Variants in CDC42BPA observed in about 807,000 individuals in gnomAD.
CDC42BPA encodes serine/threonine-protein kinase MRCK alpha.
In CDC42BPA, 80 loss-of-function variants were observed where a neutral mutation model predicts 223.5. That is an observed-to-expected ratio of 0.36 (90% CI 0.30 to 0.43). CDC42BPA has a LOEUF of 0.43. CDC42BPA is among the 20% of genes least tolerant of loss of function. CDC42BPA has a pLI of 1.00. For missense variants in CDC42BPA, 1,743 were observed against 2,099.9 expected, an observed-to-expected ratio of 0.83 and a Z score of 3.32; for synonymous variants, 694 against 718.6, an observed-to-expected ratio of 0.97 and a Z score of 0.55.
chr1:227,160,949 T>C (rs1663773242), intron 5 of CDC42BPA, among the ~76,000 whole-genome samples: 1 of 152,182 alleles, frequency 6.6e-6, no homozygotes, highest in South Asian at 2.1e-4. Context: ...ACTTTCTGCA[T>C]ACAGAAGAGT....
intron 15 of CDC42BPA, among the ~76,000 whole-genome samples, chr1:227,092,688 A>G (rs1311084922): frequency 6.6e-6 from 1 of 152,220 alleles, no homozygotes; most frequent in African/African-American, 2.4e-5. Flanking sequence ...ATGAGTTCAG[A>G]AATTTTAAAA....
intron 35 of CDC42BPA, among the ~76,000 whole-genome samples, chr1:227,000,880 C>G (rs1572162233): frequency 6.6e-6 from 1 of 151,788 alleles, no homozygotes; most frequent in East Asian, 1.9e-4. Context: ...TGGGGACCCT[C>G]TGGCCTGAGA....
intron 14 of CDC42BPA, among the ~76,000 whole-genome samples, chr1:227,103,113 T>G (rs1313913198): frequency 6.6e-6 from 1 of 152,108 alleles, no homozygotes; most frequent in Non-Finnish European, 1.5e-5. Context: ...TATGCGACAT[T>G]CATTTCAGAC....
At chr1:227,077,743 T>C (rs1679796715) in intron 17 of CDC42BPA, among the ~76,000 whole-genome samples, 1 of 152,168 alleles carries the variant, frequency 6.6e-6, no homozygotes, top group Non-Finnish European at 1.5e-5. Context: ...CTAAAATTGA[T>C]TGTATCATCT....
At chr1:227,197,590 C>CT (rs34534815) in intron 4 of CDC42BPA, among the ~76,000 whole-genome samples, 5,625 of 151,964 alleles carry the variant, frequency 0.037, 188 homozygotes, top group South Asian at 0.13. Flanking sequence ...ACAGTTCAGG[C>CT]TTTTTTTGCT....
At chr1:227,010,297 T>C (rs527504620) in intron 34 of CDC42BPA, among the ~76,000 whole-genome samples, 1 of 152,350 alleles carries the variant, frequency 6.6e-6, no homozygotes, top group South Asian at 2.1e-4. Flanking sequence ...TGGAATTACA[T>C]GCATTTCAGT....
At position 227,303,023 on chromosome 1, in the gene CDC42BPA, G is replaced by A. The variant is rs116016048; in HGVS notation, c.178+13982C>T. 6.1e-3 allele frequency among the ~76,000 whole-genome samples: 657 copies of A among 108,568 alleles called. 4 individuals are homozygous for A. Among genetic ancestry groups the A allele is most frequent in the African/African-American group, 0.021 (611 of 29,432 alleles). The allele number at this position is 108,568 out of a possible 152,430, so 71.2% of individuals were successfully genotyped here. ...TTTTTTTGGGTTTTTTTTTTTTTTC[G>A]AAGTTATGCTTTCCCTGAAAAGTAT... On this transcript the variant is annotated intron_variant, in intron 1 of 36. Transcript: ENST00000366766.
At chr1:227,122,595 C>A (rs1688838275) in intron 11 of CDC42BPA, among the ~76,000 whole-genome samples, 1 of 152,162 alleles carries the variant, frequency 6.6e-6, no homozygotes, top group Admixed American at 6.5e-5. Flanking sequence ...ATACTTCAGT[C>A]ACTTTTCAAA....
intron 2 of CDC42BPA, among the ~76,000 whole-genome samples, chr1:227,238,701 T>C (rs1242357242): frequency 6.6e-6 from 1 of 152,210 alleles, no homozygotes; most frequent in Non-Finnish European, 1.5e-5. Flanking sequence ...GAAAGCTGGC[T>C]ATACTGAGGC....
intron 1 of CDC42BPA, among the ~76,000 whole-genome samples, chr1:227,305,676 A>G (rs1265671054): frequency 1.3e-5 from 2 of 152,144 alleles, no homozygotes; most frequent in Admixed American, 6.5e-5. Context: ...TTAAAATATC[A>G]TAGCATCTGC....
intron 1 of CDC42BPA, among the ~76,000 whole-genome samples, chr1:227,302,776 GTCCTCTAATTTTC>G (rs1174821425): frequency 6.6e-6 from 1 of 151,422 alleles, no homozygotes; most frequent in African/African-American, 2.4e-5. Flanking sequence ...TCCTCAATTG[GTCCTCTAATTTTC>G]TCCTCTATCT....
intron 5 of CDC42BPA, among the ~76,000 whole-genome samples, chr1:227,165,136 C>T (rs1664805320): frequency 6.6e-6 from 1 of 152,220 alleles, no homozygotes; most frequent in South Asian, 2.1e-4. Context: ...ATTCCCTCAT[C>T]ACCCCAAAAA....
intron 16 of CDC42BPA, among the ~76,000 whole-genome samples, chr1:227,086,814 T>C (rs886296528): frequency 6.6e-6 from 1 of 151,852 alleles, no homozygotes; most frequent in African/African-American, 2.4e-5. Flanking sequence ...ACTACAGGCA[T>C]GCACCACCTC....
At chr1:227,292,618 T>C (rs1689885132) in intron 1 of CDC42BPA, among the ~76,000 whole-genome samples, 1 of 152,226 alleles carries the variant, frequency 6.6e-6, no homozygotes, top group African/African-American at 2.4e-5. Flanking sequence ...GTCATAATCA[T>C]TGCTTTCCAC....
At chr1:227,250,325 T>C (rs371848923) in intron 2 of CDC42BPA, among the ~76,000 whole-genome samples, 6 of 151,928 alleles carry the variant, frequency 3.9e-5, no homozygotes, top group Non-Finnish European at 8.8e-5. Flanking sequence ...ACATGTCTAC[T>C]AAAAATACAA....
intron 21 of CDC42BPA, among the ~76,000 whole-genome samples, chr1:227,061,962 A>G (rs1193730419): frequency 2.0e-5 from 3 of 152,184 alleles, no homozygotes; most frequent in African/African-American, 4.8e-5. Context: ...GACATCTCCA[A>G]CTGGATGTCC....
intron 33 of CDC42BPA, 111 bp downstream of exon 33, chr1:227,016,816 A>G (rs1666368226): frequency 1.0e-5 from 11 of 1,062,564 alleles, no homozygotes; most frequent in Non-Finnish European, 1.3e-5. Flanking sequence ...ACCACAGATC[A>G]ATGAGATTTT....
chr1:227,092,013 A>G (rs753617788), intron 15 of CDC42BPA, 22 bp from the exon 16 acceptor site: 3 of 1,327,050 alleles, frequency 2.3e-6, no homozygotes, highest in East Asian at 4.7e-5. Flanking sequence ...CAAAACACAA[A>G]AGGAAAAAGG....
intron 29 of CDC42BPA, among the ~76,000 whole-genome samples, chr1:227,030,166 G>A (rs190343432): frequency 2.0e-5 from 3 of 151,508 alleles, no homozygotes; most frequent in African/African-American, 4.8e-5. Context: ...ATCTGAGTTC[G>A]TACAGAACTG....
Sources: allele counts gnomAD v4.1 joint callset (sites outside exome capture counted in the v4.1 genomes callset), GRCh38; gene constraint gnomAD v4.1.1; transcripts MANE v1.5; gene names NCBI Gene and HGNC (gene_info 2026-07-23, HGNC 2026-07-21).